Variants in UHRF2 observed in about 807,000 individuals in gnomAD.
The protein encoded by UHRF2 is E3 ubiquitin-protein ligase UHRF2.
UHRF2 carries 23 observed loss-of-function variants against 96.8 expected under a neutral mutation model. The ratio of observed to expected loss-of-function variants is 0.24; its 90% CI spans 0.17 to 0.34. UHRF2 has a LOEUF of 0.34. UHRF2 is among the 10% of genes least tolerant of loss of function. UHRF2 has a pLI of 1.00. For synonymous variants in UHRF2, 385 were observed against 332.6 expected (o/e 1.16, Z -1.72); for missense variants, 685 against 981.5 (o/e 0.70, Z 4.04).
At chr9:6,422,534 C>A (rs1819990063) in intron 2 of UHRF2, 1 of 444,492 alleles carries the variant, frequency 2.2e-6, no homozygotes, top group Non-Finnish European at 4.2e-6. Context: ...TATAGATCAG[C>A]TTGGAGAATC....
intron 8 of UHRF2, 93 bp downstream of exon 8, chr9:6,482,192 A>G (rs953148466): frequency 2.0e-5 from 20 of 996,226 alleles, no homozygotes; most frequent in East Asian, 4.8e-5. Flanking sequence ...AACCTAACAC[A>G]TGACATTCAC....
rs1245295034 is a variant in UHRF2, at chr9:6,482,096, T to G, written c.1389T>G (p.Val463=). ...TTGGATCAACTTGGAGATTTAGAGT[T>G]CAGGTATGTTTTAACTTGGGCTTAG... ...IPVGSTWRFR[V]QVSEAGVHRP... is the part of the protein sequence containing the mutation. Residue 463 remains valine, a synonymous_variant, in exon 8 of 16, where the codon GTT becomes GTG. Transcript: ENST00000276893. 1.9e-6 allele frequency: 3 copies of G among 1,613,676 alleles called. No homozygotes were observed. Among genetic ancestry groups the G allele is most frequent in the Non-Finnish European group, 2.5e-6 (3 of 1,179,632 alleles).
At chr9:6,492,887 T>G (rs1331539126) in intron 9 of UHRF2, 1 of 150,950 alleles carries the variant, frequency 6.6e-6, no homozygotes, top group Non-Finnish European at 1.5e-5. Context: ...TACTTTTAGA[T>G]TTTTCAAATT....
chr9:6,461,834 TAATA>T (rs1050278862), intron 4 of UHRF2, among the ~76,000 whole-genome samples: 6 of 152,208 alleles, frequency 3.9e-5, no homozygotes, highest in East Asian at 3.8e-4. Flanking sequence ...ATTTCCTTTT[TAATA>T]AATAAAATCT....
At chr9:6,450,308 C>CA (rs984024027) in intron 3 of UHRF2, among the ~76,000 whole-genome samples, 4 of 141,308 alleles carry the variant, frequency 2.8e-5, no homozygotes, top group Non-Finnish European at 4.6e-5. Flanking sequence ...TCCCCTTCCC[C>CA]CCCCCCCATT....
In UHRF2 at chr9:6,467,516, C is replaced by A. The variant is rs988173700; in HGVS notation, c.863+6725C>A. ...GTTAATGTTTTGTTTGTTTTGTTTGCTGTTGTGTGCCAGGCCTTGTTCTAG... is the reference window on the plus strand; with the variant it reads ...GTTAATGTTTTGTTTGTTTTGTTTGATGTTGTGTGCCAGGCCTTGTTCTAG... On this transcript the variant is annotated intron_variant, in intron 4 of 15. Coordinates refer to ENST00000276893, the MANE Select transcript of UHRF2 (RefSeq NM_152896.3). 2.7e-5 allele frequency among the ~76,000 whole-genome samples: 4 copies of A among 149,940 alleles called. No individual in the cohort carries two copies. The East Asian group carries it at 7.8e-4, about 29-fold the overall frequency.
chr9:6,459,323 TTGA>T (rs1822379399), intron 3 of UHRF2, among the ~76,000 whole-genome samples: 1 of 152,228 alleles, frequency 6.6e-6, no homozygotes, highest in African/African-American at 2.4e-5. Flanking sequence ...ATGGCAGAAC[TTGA>T]TGAACTTGTA....
intron 3 of UHRF2, among the ~76,000 whole-genome samples, chr9:6,452,456 CA>C (rs1172886318): frequency 6.6e-6 from 1 of 152,246 alleles, no homozygotes; most frequent in Non-Finnish European, 1.5e-5. Context: ...AAATTGTAAT[CA>C]AACTTCATAA....
At chr9:6,432,945 A>G (rs1302575910) in intron 2 of UHRF2, among the ~76,000 whole-genome samples, 1 of 151,630 alleles carries the variant, frequency 6.6e-6, no homozygotes, top group Non-Finnish European at 1.5e-5. Context: ...GGTTCAAGTG[A>G]TTCTCCTGCC....
chr9:6,425,849 A>T (rs1820225209), intron 2 of UHRF2, among the ~76,000 whole-genome samples: 1 of 152,188 alleles, frequency 6.6e-6, no homozygotes. Context: ...AGAGCCTTCA[A>T]CAGACAGCAA....
chr9:6,425,538 A>G (rs940366053), intron 2 of UHRF2, among the ~76,000 whole-genome samples: 2 of 151,760 alleles, frequency 1.3e-5, no homozygotes, highest in Non-Finnish European at 2.9e-5. Flanking sequence ...GTGGATCACT[A>G]CAGGTCAGGA....
intron 2 of UHRF2, among the ~76,000 whole-genome samples, chr9:6,423,173 G>A (rs1820035867): frequency 6.6e-6 from 1 of 152,214 alleles, no homozygotes; most frequent in African/African-American, 2.4e-5. Context: ...ATCTACATAT[G>A]TATATAGAAA....
At chr9:6,444,139 T>C (rs751230287) in intron 3 of UHRF2, among the ~76,000 whole-genome samples, 1 of 152,198 alleles carries the variant, frequency 6.6e-6, no homozygotes, top group Non-Finnish European at 1.5e-5. Context: ...AGAGAGTAGA[T>C]TTTTCTTGAA....
intron 1 of UHRF2, among the ~76,000 whole-genome samples, chr9:6,420,441 C>T (rs1477013727): frequency 2.0e-5 from 3 of 148,652 alleles, no homozygotes; most frequent in Non-Finnish European, 4.5e-5. Flanking sequence ...GCGGTGCTCA[C>T]GCTGTAATCC....
chr9:6,489,182 C>T (rs993873348), intron 9 of UHRF2, among the ~76,000 whole-genome samples: 5 of 152,242 alleles, frequency 3.3e-5, no homozygotes, highest in Admixed American at 3.3e-4. Context: ...ATATATTAAC[C>T]TTTAGGATTG....
At chr9:6,460,239 G>T (rs1480245581) in intron 3 of UHRF2, among the ~76,000 whole-genome samples, 1 of 152,126 alleles carries the variant, frequency 6.6e-6, no homozygotes, top group East Asian at 1.9e-4. Context: ...TAGAAAAATT[G>T]TATATAGCTC....
chr9:6,482,687 C>T (rs973364950), intron 8 of UHRF2, among the ~76,000 whole-genome samples: 4 of 151,160 alleles, frequency 2.6e-5, no homozygotes, highest in African/African-American at 7.3e-5. Context: ...AGCTCTGCCT[C>T]GTGGGTTCAC....
At chr9:6,474,747 A>G (rs1823461372) in intron 4 of UHRF2, among the ~76,000 whole-genome samples, 3 of 152,194 alleles carry the variant, frequency 2.0e-5, no homozygotes, top group Admixed American at 2.0e-4. Context: ...GGAGAAATGT[A>G]CAAATCCACA....
intron 3 of UHRF2, among the ~76,000 whole-genome samples, chr9:6,439,086 G>C (rs1290768459): frequency 1.3e-5 from 2 of 152,138 alleles, no homozygotes; most frequent in African/African-American, 4.8e-5. Flanking sequence ...ATGAAAAACA[G>C]GTTATGTTAA....
Sources: allele counts gnomAD v4.1 joint callset (sites outside exome capture counted in the v4.1 genomes callset), GRCh38; gene constraint gnomAD v4.1.1; transcripts MANE v1.5; gene names NCBI Gene and HGNC (gene_info 2026-07-23, HGNC 2026-07-21).